The following HMCN1 variants were observed in gnomAD, a reference collection of about 807,000 sequenced individuals.
HMCN1 encodes the protein hemicentin 1.
A neutral mutation model predicts 625.9 loss-of-function variants in HMCN1; 321 were observed. The observed-to-expected ratio is 0.51, with a 90% CI of 0.47 to 0.56. HMCN1 has a LOEUF of 0.56. Among genes scored for constraint, HMCN1 ranks in the 20% least tolerant of loss-of-function variants. HMCN1 has a pLI of 0.00. For synonymous variants in HMCN1, 2,425 were observed against 2,417.6 expected (o/e 1.00, Z -0.09); for missense variants, 6,588 against 6,887.3 (o/e 0.96, Z 1.54).
At chr1:185,916,191 G>A (rs999217669) in intron 6 of HMCN1, among the ~76,000 whole-genome samples, 1 of 151,988 alleles carries the variant, frequency 6.6e-6, no homozygotes, top group Non-Finnish European at 1.5e-5. Flanking sequence ...TTCTATGATT[G>A]TGTCTTTGAC....
At chr1:185,785,664 G>A (rs1657515117) in intron 1 of HMCN1, among the ~76,000 whole-genome samples, 1 of 152,086 alleles carries the variant, frequency 6.6e-6, no homozygotes, top group South Asian at 2.1e-4. Context: ...CTGCCATCTT[G>A]TCCCAGAACT....
In HMCN1 at chr1:186,076,573, C is replaced by T; in HGVS notation, c.8436C>T (p.Tyr2812=). ...NAAPPPTLTW[Y]KDGHPLTSSD... Reference sequence around the variant, plus strand: ...CTCCCCCTCCTACACTGACATGGTACAAAGATGGCCACCCTCTGACCTCAA... The same window carrying T: ...CTCCCCCTCCTACACTGACATGGTATAAAGATGGCCACCCTCTGACCTCAA... Residue 2812 remains tyrosine (Y), a synonymous_variant, in exon 54 of 107, where the codon TAC becomes TAT. Transcript: ENST00000271588. 1 of 1,613,808 alleles carries T rather than the reference C, an allele frequency of 6.2e-7. No individual in the cohort carries two copies. Among genetic ancestry groups the T allele is most frequent in the Non-Finnish European group, 8.5e-7 (1 of 1,179,806 alleles).
At chr1:185,979,799 G>A (rs1013559631) in intron 16 of HMCN1, among the ~76,000 whole-genome samples, 2 of 152,130 alleles carry the variant, frequency 1.3e-5, no homozygotes, top group African/African-American at 2.4e-5. Flanking sequence ...ATGGATGCTG[G>A]AAAGCTGCAC....
At chr1:185,767,379 T>C (rs1655942197) in intron 1 of HMCN1, among the ~76,000 whole-genome samples, 1 of 152,216 alleles carries the variant, frequency 6.6e-6, no homozygotes, top group Non-Finnish European at 1.5e-5. Context: ...ATATTTCAGT[T>C]AAATGGTATC....
rs1661283493 is a variant in HMCN1 at position 186,119,308 on chromosome 1, G to A, written c.11956+10G>A. The stretch of plus-strand genomic sequence containing the variant: ...ACCCTTCATGTTCATGGTATGGAAG[G>A]CTATTTACTCATTCAAAGTTCGCTG... On this transcript the variant is annotated intron_variant, in intron 78 of 106. Transcript: ENST00000271588. The A allele has an allele frequency of 1.2e-6, 2 of 1,602,558 alleles. No homozygotes were observed. Among genetic ancestry groups the A allele is most frequent in the African/African-American group, 1.3e-5 (1 of 74,636 alleles).
intron 63 of HMCN1, among the ~76,000 whole-genome samples, chr1:186,090,045 T>A (rs1214737873): frequency 6.6e-6 from 1 of 151,586 alleles, no homozygotes; most frequent in Non-Finnish European, 1.5e-5. Context: ...GAACATGGAG[T>A]GGGGAAAACA....
intron 15 of HMCN1, among the ~76,000 whole-genome samples, chr1:185,973,569 A>G (rs1193923216): frequency 6.6e-6 from 1 of 151,980 alleles, no homozygotes; most frequent in East Asian, 1.9e-4. Flanking sequence ...TGGGCATATT[A>G]CTTCATATCA....
At chr1:186,180,332 G>T (rs1277076679) in intron 104 of HMCN1, among the ~76,000 whole-genome samples, 1 of 152,116 alleles carries the variant, frequency 6.6e-6, no homozygotes, top group Non-Finnish European at 1.5e-5. Flanking sequence ...CCACTAGAGG[G>T]TTTTCACAGC....
chr1:186,130,243 G>A, intron 84 of HMCN1, 143 bp downstream of exon 84: 1 of 1,189,204 alleles, frequency 8.4e-7, no homozygotes, highest in East Asian at 2.5e-5. Flanking sequence ...AAATTCATGA[G>A]AAAAAAATTA....
chr1:186,049,110 C>T (rs1398794794), intron 42 of HMCN1, among the ~76,000 whole-genome samples: 2 of 151,902 alleles, frequency 1.3e-5, no homozygotes, highest in South Asian at 2.1e-4. Context: ...GCCAGCATCT[C>T]GTAATGATTG....
intron 35 of HMCN1, 113 bp downstream of exon 35, chr1:186,019,808 A>C: frequency 3.7e-6 from 3 of 820,876 alleles, no homozygotes; most frequent in Non-Finnish European, 5.6e-6. Context: ...TTTTGCAGAA[A>C]ATTTATTAAA....
chr1:186,113,455 A>G (rs1660982195), intron 72 of HMCN1, among the ~76,000 whole-genome samples: 1 of 152,240 alleles, frequency 6.6e-6, no homozygotes, highest in Non-Finnish European at 1.5e-5. Flanking sequence ...ATATTGGGTG[A>G]CCCAAACAAC....
chr1:186,010,988 G>A (rs1653963637), intron 30 of HMCN1, among the ~76,000 whole-genome samples: 1 of 151,936 alleles, frequency 6.6e-6, no homozygotes. Context: ...TTTGAAGTTA[G>A]TATTCTCTAT....
chr1:185,973,208 T>C (rs1035933736), intron 15 of HMCN1, among the ~76,000 whole-genome samples: 1 of 152,166 alleles, frequency 6.6e-6, no homozygotes, highest in African/African-American at 2.4e-5. Context: ...GTTACTGCTG[T>C]TCCTCTAAAG....
chr1:186,010,222 G>C (rs1488848414), intron 30 of HMCN1, among the ~76,000 whole-genome samples: 1 of 151,714 alleles, frequency 6.6e-6, no homozygotes, highest in African/African-American at 2.4e-5. Context: ...TGTGTGTGGG[G>C]GTACATGGGT....
chr1:185,957,253 A>G (rs1200367718), intron 11 of HMCN1: 1 of 152,204 alleles, frequency 6.6e-6, no homozygotes, highest in Non-Finnish European at 1.5e-5. Flanking sequence ...CATAGTTGTT[A>G]TTTTTAAAGT....
intron 34 of HMCN1, 125 bp from the exon 35 acceptor site, chr1:186,019,415 AT>A: frequency 1.4e-6 from 1 of 727,362 alleles, no homozygotes; most frequent in Admixed American, 2.1e-5. Context: ...AAAGTATTTC[AT>A]TGTTAAAATA....
At position 185,740,433 on chromosome 1, in the gene HMCN1, C is replaced by A. The variant is rs1426450461; in HGVS notation, c.268+5386C>A. Among the ~76,000 whole-genome samples the A allele has an allele frequency of 8.5e-5, 13 of 152,134 alleles. No homozygotes were observed. The East Asian group carries it at 2.3e-3, about 27-fold the overall frequency. On this transcript the variant is annotated intron_variant, in intron 1 of 106. Transcript: ENST00000271588. ...GGATTTAATGAACTGGATGTGAGGT[C>A]TTAGAAAAATAAAGAAGACAAGACA... is the stretch of plus-strand genomic sequence containing the variant.
intron 105 of HMCN1, among the ~76,000 whole-genome samples, chr1:186,185,529 G>C (rs150206862): frequency 5.8e-4 from 89 of 152,266 alleles, no homozygotes; most frequent in Non-Finnish European, 1.2e-3. Context: ...GCTAATCCTA[G>C]TATAATACTA....
Sources: gnomAD v4.1 joint callset for allele counts (sites outside exome capture counted in the v4.1 genomes callset) on GRCh38, gnomAD v4.1.1 for gene constraint, MANE v1.5 for transcripts, NCBI Gene and HGNC (gene_info 2026-07-23, HGNC 2026-07-21) for gene names.